The following GARIN2 variants were observed in gnomAD, a reference collection of about 807,000 sequenced individuals.
The protein encoded by GARIN2 is Golgi-associated RAB2 interactor protein 2.
the GARIN2 span, chr14:67,203,252 T>A: frequency 6.2e-7 from 1 of 1,604,784 alleles, no homozygotes; most frequent in Non-Finnish European, 8.5e-7. Context: ...TGTTTAAAAG[T>A]CTCCTGACAT....
chr14:67,206,620 C>A, the GARIN2 span, among the ~76,000 whole-genome samples: 1 of 152,148 alleles, frequency 6.6e-6, no homozygotes, highest in East Asian at 1.9e-4. Context: ...AGGTAGGAGA[C>A]AGAACTTCAA....
the GARIN2 span, among the ~76,000 whole-genome samples, chr14:67,193,848 G>A: frequency 1.3e-5 from 2 of 149,060 alleles, no homozygotes; most frequent in African/African-American, 4.9e-5. Flanking sequence ...AGGAGGCTGA[G>A]GTGAGAGGAT....
chr14:67,209,499 A>C, the GARIN2 span, among the ~76,000 whole-genome samples: 1 of 152,176 alleles, frequency 6.6e-6, no homozygotes, highest in African/African-American at 2.4e-5. Flanking sequence ...AAATACACTC[A>C]TATATGTATG....
At chr14:67,190,657 G>A in the GARIN2 span, among the ~76,000 whole-genome samples, 4 of 152,134 alleles carry the variant, frequency 2.6e-5, no homozygotes, top group African/African-American at 9.7e-5. Flanking sequence ...CAAAGATTCA[G>A]AACACAAGGC....
the GARIN2 span, among the ~76,000 whole-genome samples, chr14:67,219,779 C>A: frequency 5.9e-5 from 9 of 152,134 alleles, no homozygotes; most frequent in Non-Finnish European, 1.3e-4. Flanking sequence ...CTTCTCAGCT[C>A]CCTACGCCAT....
At chr14:67,216,642 T>C in the GARIN2 span, among the ~76,000 whole-genome samples, 2 of 152,322 alleles carry the variant, frequency 1.3e-5, no homozygotes, top group South Asian at 4.1e-4. Context: ...ATAGCATCCT[T>C]CATTTCTTCC....
the GARIN2 span, among the ~76,000 whole-genome samples, chr14:67,206,974 C>T: frequency 6.6e-6 from 1 of 152,062 alleles, no homozygotes; most frequent in African/African-American, 2.4e-5. Flanking sequence ...AAGTGATCCA[C>T]CCACCTTGGC....
chr14:67,207,744 G>C, the GARIN2 span, among the ~76,000 whole-genome samples: 1 of 152,064 alleles, frequency 6.6e-6, no homozygotes, highest in Non-Finnish European at 1.5e-5. Context: ...GGATTTTAGA[G>C]TATTAAGTTT....
chr14:67,191,801 G>A, the GARIN2 span, among the ~76,000 whole-genome samples: 1 of 152,210 alleles, frequency 6.6e-6, no homozygotes, highest in Non-Finnish European at 1.5e-5. Context: ...AGAAGAACTA[G>A]CGTTGGTTTC....
At chr14:67,197,672 T>A in the GARIN2 span, among the ~76,000 whole-genome samples, 2 of 152,142 alleles carry the variant, frequency 1.3e-5, no homozygotes, top group Non-Finnish European at 2.9e-5. Context: ...CTCAGTTTAG[T>A]ATAGCTTTGA....
At chr14:67,219,756 G>A in the GARIN2 span, among the ~76,000 whole-genome samples, 9 of 151,930 alleles carry the variant, frequency 5.9e-5, no homozygotes, top group African/African-American at 1.5e-4. Flanking sequence ...ATTCTTCAAG[G>A]TCTCACCCCT....
the GARIN2 span, chr14:67,204,883 G>A: frequency 6.2e-7 from 1 of 1,613,918 alleles, no homozygotes. Context: ...AGATTTCCCA[G>A]AATTCACAGA....
the GARIN2 span, chr14:67,225,249 T>C: frequency 1.3e-6 from 2 of 1,516,912 alleles, no homozygotes; most frequent in Non-Finnish European, 1.8e-6. Context: ...TGGAAAAACA[T>C]GTAAGACAAA....
At chr14:67,206,647 G>A in the GARIN2 span, among the ~76,000 whole-genome samples, 5 of 152,150 alleles carry the variant, frequency 3.3e-5, no homozygotes, top group African/African-American at 1.2e-4. Flanking sequence ...CTAAGTAGAC[G>A]TAAAATAAAT....
At chr14:67,208,555 A>G in the GARIN2 span, 1 of 1,195,120 alleles carries the variant, frequency 8.4e-7, no homozygotes, top group Non-Finnish European at 1.2e-6. Context: ...GAAGATTCTC[A>G]GAGACAGATG....
chr14:67,219,470 C>A, the GARIN2 span, among the ~76,000 whole-genome samples: 1 of 152,184 alleles, frequency 6.6e-6, no homozygotes, highest in Non-Finnish European at 1.5e-5. Flanking sequence ...TTGGTCCTTT[C>A]TTGTGGGAGA....
At chr14:67,205,585 G>T in the GARIN2 span, among the ~76,000 whole-genome samples, 1 of 152,214 alleles carries the variant, frequency 6.6e-6, no homozygotes, top group Non-Finnish European at 1.5e-5. Context: ...AACAAAGTGA[G>T]TGGCTTTAGA....
the GARIN2 span, among the ~76,000 whole-genome samples, chr14:67,209,799 C>A: frequency 8.3e-6 from 1 of 119,850 alleles, no homozygotes; most frequent in Admixed American, 1.1e-4. Context: ...GCCTGGGTGA[C>A]AGAGCAAGAC....
chr14:67,217,895 G>GA, the GARIN2 span, among the ~76,000 whole-genome samples: 4 of 152,046 alleles, frequency 2.6e-5, no homozygotes, highest in Non-Finnish European at 4.4e-5. Flanking sequence ...GCATCTAATG[G>GA]AAAAAATGCC....
Sources: allele counts gnomAD v4.1 joint callset (sites outside exome capture counted in the v4.1 genomes callset), GRCh38; gene constraint gnomAD v4.1.1; transcripts MANE v1.5; gene names NCBI Gene and HGNC (gene_info 2026-07-23, HGNC 2026-07-21).